The following CIRSR variants were observed in gnomAD, a reference collection of about 807,000 sequenced individuals.
CIRSR encodes the protein corepressor of RBPJ and splicing regulator.
chr2:174,386,355 A>G, the CIRSR span, among the ~76,000 whole-genome samples: 1 of 151,998 alleles, frequency 6.6e-6, no homozygotes, highest in Non-Finnish European at 1.5e-5. Context: ...CTAACTTTGT[A>G]TTTCTTAGTA....
At chr2:174,389,036 T>G in the CIRSR span, among the ~76,000 whole-genome samples, 2 of 152,218 alleles carry the variant, frequency 1.3e-5, no homozygotes, top group East Asian at 3.8e-4. Flanking sequence ...CTCTTGCCTT[T>G]ATAAATTACT....
At chr2:174,381,178 G>A in the CIRSR span, among the ~76,000 whole-genome samples, 1 of 152,050 alleles carries the variant, frequency 6.6e-6, no homozygotes, top group African/African-American at 2.4e-5. Context: ...CCTTCTCAAA[G>A]GGCACATTAT....
the CIRSR span, among the ~76,000 whole-genome samples, chr2:174,362,701 A>G: frequency 1.1e-5 from 1 of 91,632 alleles, no homozygotes; most frequent in South Asian, 5.8e-4. Flanking sequence ...AAAAAAAAAA[A>G]AAAAAAAAAA....
the CIRSR span, among the ~76,000 whole-genome samples, chr2:174,353,004 T>C: frequency 6.6e-6 from 1 of 152,246 alleles, no homozygotes; most frequent in South Asian, 2.1e-4. Flanking sequence ...CAGTTCAAAT[T>C]TGTTTACCTG....
At chr2:174,388,674 G>A in the CIRSR span, among the ~76,000 whole-genome samples, 1 of 151,740 alleles carries the variant, frequency 6.6e-6, no homozygotes, top group Non-Finnish European at 1.5e-5. Flanking sequence ...TTATATAAAT[G>A]GTAACATATT....
chr2:174,362,731 A>T, the CIRSR span, among the ~76,000 whole-genome samples: 1 of 142,504 alleles, frequency 7.0e-6, no homozygotes, highest in Non-Finnish European at 1.5e-5. Flanking sequence ...CATTTATCAG[A>T]GAATTGAGGT....
the CIRSR span, among the ~76,000 whole-genome samples, chr2:174,377,646 T>A: frequency 6.6e-6 from 1 of 151,642 alleles, no homozygotes; most frequent in East Asian, 1.9e-4. Flanking sequence ...GGCAAAACCC[T>A]ATCTCTATTA....
chr2:174,361,224 A>G, the CIRSR span, among the ~76,000 whole-genome samples: 1 of 152,216 alleles, frequency 6.6e-6, no homozygotes, highest in Admixed American at 6.5e-5. Flanking sequence ...CTGGTAACAC[A>G]AATGTTTTTC....
chr2:174,354,847 C>A, the CIRSR span, among the ~76,000 whole-genome samples: 16 of 141,322 alleles, frequency 1.1e-4, no homozygotes, highest in South Asian at 3.2e-3. Context: ...AATAATACAC[C>A]TGCCTAGGTC....
the CIRSR span, among the ~76,000 whole-genome samples, chr2:174,384,282 T>C: frequency 6.6e-6 from 1 of 152,294 alleles, no homozygotes; most frequent in South Asian, 2.1e-4. Flanking sequence ...AAGGAACAAA[T>C]ATATGATTCA....
At chr2:174,394,798 T>C in the CIRSR span, among the ~76,000 whole-genome samples, 14 of 152,360 alleles carry the variant, frequency 9.2e-5, no homozygotes, top group East Asian at 3.9e-4. Context: ...CAACATTTTA[T>C]TGAGCACCTC....
At chr2:174,374,931 C>T in the CIRSR span, among the ~76,000 whole-genome samples, 1 of 152,162 alleles carries the variant, frequency 6.6e-6, no homozygotes, top group Non-Finnish European at 1.5e-5. Context: ...ATCACAGTAA[C>T]CAATTAAACA....
the CIRSR span, among the ~76,000 whole-genome samples, chr2:174,356,024 G>A: frequency 3.0e-4 from 45 of 152,090 alleles, no homozygotes; most frequent in African/African-American, 7.2e-4. Context: ...CACCCACCTC[G>A]GCCTCCCAAA....
At chr2:174,350,646 T>C in the CIRSR span, 3 of 1,511,364 alleles carry the variant, frequency 2.0e-6, no homozygotes, top group Non-Finnish European at 2.7e-6. Context: ...ATTAAATATA[T>C]ACTTCTAAAT....
the CIRSR span, among the ~76,000 whole-genome samples, chr2:174,360,116 G>A: frequency 6.6e-6 from 1 of 152,292 alleles, no homozygotes; most frequent in East Asian, 1.9e-4. Flanking sequence ...TGTAAATGAC[G>A]AGTTAATGGG....
chr2:174,390,202 G>T, the CIRSR span, among the ~76,000 whole-genome samples: 2 of 152,224 alleles, frequency 1.3e-5, no homozygotes, highest in African/African-American at 4.8e-5. Context: ...CCAGGAGAGG[G>T]GTTATACCCT....
the CIRSR span, among the ~76,000 whole-genome samples, chr2:174,390,594 A>G: frequency 6.6e-6 from 1 of 152,182 alleles, no homozygotes; most frequent in Non-Finnish European, 1.5e-5. Flanking sequence ...TTGAAATGTG[A>G]GGACATGAGA....
At chr2:174,352,230 C>A in the CIRSR span, among the ~76,000 whole-genome samples, 1 of 146,384 alleles carries the variant, frequency 6.8e-6, no homozygotes, top group Non-Finnish European at 1.5e-5. Flanking sequence ...CACACACATA[C>A]ACACACACAC....
At chr2:174,362,686 CAA>C in the CIRSR span, among the ~76,000 whole-genome samples, 9 of 20,678 alleles carry the variant, frequency 4.4e-4, no homozygotes, top group African/African-American at 8.5e-4. Context: ...GACTCTGCCT[CAA>C]AAAAAAAAAA....
Sources: allele counts gnomAD v4.1 joint callset (sites outside exome capture counted in the v4.1 genomes callset), GRCh38; gene constraint gnomAD v4.1.1; transcripts MANE v1.5; gene names NCBI Gene and HGNC (gene_info 2026-07-23, HGNC 2026-07-21).